CDC42BPG: variants seen among roughly 807,000 people sequenced by gnomAD.
The protein encoded by CDC42BPG is serine/threonine-protein kinase MRCK gamma.
A neutral mutation model predicts 192.2 loss-of-function variants in CDC42BPG; 157 were observed. The observed-to-expected ratio is 0.82, with a 90% CI of 0.72 to 0.93. CDC42BPG has a LOEUF of 0.93. CDC42BPG is among the 40% of genes least tolerant of loss of function. The pLI is 0.00. For synonymous variants in CDC42BPG, 981 were observed against 918.5 expected, an observed-to-expected ratio of 1.07 and a Z score of -1.23; for missense variants, 1,992 against 2,122.1, an observed-to-expected ratio of 0.94 and a Z score of 1.20.
At position 64,835,893 on chromosome 11, in the gene CDC42BPG, C is replaced by A. The variant is rs370512863; in HGVS notation, c.1669-42G>T. The A allele has an allele frequency of 1.4e-5, 21 of 1,550,062 alleles. No homozygotes were observed. The African/African-American group carries it at 2.3e-4, about 17-fold the overall frequency. On this transcript the variant is annotated intron_variant, in intron 13 of 36. Coordinates refer to ENST00000342711, the MANE Select transcript of CDC42BPG (RefSeq NM_017525.3). ...GGCAGGCCACTGCCAACTCTGCCCT[C>A]GGCAGCCCCTCTGCCCACCTTACCA... is the stretch of plus-strand genomic sequence containing the variant.
chr11:64,830,265 G>A lies in CDC42BPG; in HGVS notation c.3305-9C>T, dbSNP rs1299848235. Reference sequence around the variant, plus strand: ...CGCAAGTCGATCCTGGTCTGGTAGAGGGAGGCAGAGGGTCAGAGGTCAGCA... The same window carrying A: ...CGCAAGTCGATCCTGGTCTGGTAGAAGGAGGCAGAGGGTCAGAGGTCAGCA... On this transcript the variant is annotated splice_polypyrimidine_tract_variant and intron_variant, in intron 28 of 36. Transcript: ENST00000342711. 1.9e-6 allele frequency: 3 copies of A among 1,599,510 alleles called. No individual in the cohort carries two copies. The highest frequency in any genetic ancestry group is 1.1e-5 in the South Asian group (1 of 88,794).
intron 11 of CDC42BPG, 32 bp downstream of exon 11, chr11:64,836,707 G>GGGGGT: frequency 6.6e-6 from 4 of 603,804 alleles, no homozygotes; most frequent in Non-Finnish European, 9.7e-6. Context: ...ACTCAGCCCT[G>GGGGGT]GGGGGGGGGG....
intron 9 of CDC42BPG, 59 bp downstream of exon 9, chr11:64,838,024 G>A (rs2136358946): frequency 2.1e-6 from 3 of 1,439,044 alleles, no homozygotes; most frequent in East Asian, 2.5e-5. Context: ...TACGCGCCCA[G>A]TGTCCTCCAG....
chr11:64,827,820 CT>C (rs1255424879), intron 30 of CDC42BPG, 37 bp from the exon 31 acceptor site: 1 of 1,543,012 alleles, frequency 6.5e-7, no homozygotes, highest in East Asian at 2.3e-5. Context: ...CTGTTTCCCC[CT>C]CTGTTCCACA....
chr11:64,831,693 G>A lies in CDC42BPG; in HGVS notation c.3116C>T (p.Pro1039Leu), dbSNP rs1942700583. 1.9e-6 allele frequency: 3 copies of A among 1,604,492 alleles called. No homozygotes were observed. Among genetic ancestry groups the A allele is most frequent in the South Asian group, 1.1e-5 (1 of 90,318 alleles). Reference sequence around the variant, plus strand: ...CAGCAGCAGCACAGTGCACGTGGTGGGCGGCACTGCCAGCTGGGAGGTTGT... The same window carrying A: ...CAGCAGCAGCACAGTGCACGTGGTGAGCGGCACTGCCAGCTGGGAGGTTGT... ...RVTTSQLAVPPTTCTVLLLAE... is the reference protein window; with the variant it reads ...RVTTSQLAVPLTTCTVLLLAE... The change falls in exon 28 of 37, where the codon CCC becomes CTC. Residue 1039 changes from proline to leucine, a missense_variant. Physicochemically the swap from Pro to Leu is moderately conservative, Grantham distance 98. Coordinates refer to ENST00000342711, the MANE Select transcript of CDC42BPG (RefSeq NM_017525.3).
Position 64,836,110 on chromosome 11 carries a change from C to A in CDC42BPG, c.1668+7G>T. The A allele has an allele frequency of 6.3e-7, 1 of 1,594,840 alleles. No homozygotes were observed. Among genetic ancestry groups the A allele is most frequent in the South Asian group, 1.1e-5 (1 of 88,094 alleles). On this transcript the variant is annotated splice_region_variant and intron_variant, in intron 13 of 36. Coordinates refer to ENST00000342711, the MANE Select transcript of CDC42BPG (RefSeq NM_017525.3). ...AGGTGCTGTCCCTACCCACCCTGGT[C>A]ACTCACCTCCCTCTGGGCAGCCCGG... is the stretch of plus-strand genomic sequence containing the variant.
At chr11:64,825,250 C>T (rs1285387711) in intron 36 of CDC42BPG, among the ~76,000 whole-genome samples, 2 of 152,142 alleles carry the variant, frequency 1.3e-5, no homozygotes, top group African/African-American at 2.4e-5. Flanking sequence ...TCCATTCTTC[C>T]TTCAGTCGAC....
chr11:64,832,420 G>A lies in CDC42BPG; in HGVS notation c.3087+8C>T, dbSNP rs1396354356. ...TGGTGGCTGCTCCATCTCATCCCAG[G>A]CACTCACCCTAAAGATGCGTGGCAG... On this transcript the variant is annotated splice_region_variant and intron_variant, in intron 27 of 36. Coordinates refer to ENST00000342711, the MANE Select transcript of CDC42BPG (RefSeq NM_017525.3). The A allele has an allele frequency of 1.2e-6, 2 of 1,612,802 alleles. No homozygotes were observed. The highest frequency in any genetic ancestry group is 2.2e-5 in the East Asian group (1 of 44,856).
intron 1 of CDC42BPG, among the ~76,000 whole-genome samples, chr11:64,843,727 C>CAGACCCATCTCCAGCT (rs1943381449): frequency 6.6e-6 from 1 of 152,224 alleles, no homozygotes; most frequent in African/African-American, 2.4e-5. Flanking sequence ...AGGAAAGGTA[C>CAGACCCATCTCCAGCT]AGACCCATCT....
intron 9 of CDC42BPG, 145 bp downstream of exon 9, chr11:64,837,938 G>A: frequency 1.4e-6 from 1 of 709,856 alleles, no homozygotes; most frequent in Non-Finnish European, 2.5e-6. Context: ...AGGACCCCGA[G>A]GATGAGGGCT....
chr11:64,835,214 C>T (rs1053418432), intron 16 of CDC42BPG, 61 bp from the exon 17 acceptor site: 2 of 1,601,866 alleles, frequency 1.2e-6, no homozygotes, highest in Admixed American at 3.3e-5. Context: ...CTGCCGTCTC[C>T]CTGTAGGTAC....
Position 64,833,243 on chromosome 11 carries a change from G to C in CDC42BPG, c.2719C>G (p.Leu907Val). The C allele has an allele frequency of 6.5e-7, 1 of 1,549,132 alleles. No individual in the cohort carries two copies. Among genetic ancestry groups the C allele is most frequent in the South Asian group, 1.2e-5 (1 of 84,040 alleles). The change falls in exon 24 of 37, where the codon CTG becomes GTG. Residue 907 changes from leucine (L) to valine (V), a missense_variant. This residue lies in a region of CDC42BPG where 1,656 missense variants were observed against 1,844.3 expected (regional missense o/e 0.90). Coordinates refer to ENST00000342711, the MANE Select transcript of CDC42BPG (RefSeq NM_017525.3). ...TGGGGACTCTCACCATCACAACCCA[G>C]GCCCTGGCGGCCCAGGCCCAGCATC... is the stretch of plus-strand genomic sequence containing the variant. ...SLMLGLGRQG[L>V]GCDACGYFCH...
At chr11:64,830,549 A>G (rs1942637367) in intron 28 of CDC42BPG, 2 of 505,400 alleles carry the variant, frequency 4.0e-6, no homozygotes, top group Admixed American at 3.3e-5. Context: ...TCACAGAGCA[A>G]CTCTGAGGAA....
chr11:64,832,722 G>A lies in CDC42BPG; in HGVS notation c.2887C>T (p.Arg963Trp), dbSNP rs777911356. The A allele has an allele frequency of 1.1e-5, 17 of 1,609,418 alleles. No homozygotes were observed. Among genetic ancestry groups the A allele is most frequent in the South Asian group, 3.3e-5 (3 of 90,500 alleles). ...FLSVPRPSGV[R>W]RGWQRVFAAL... ...GCAAACACGCGCTGCCAGCCCCGCC[G>A]GACACCTGAGGGCCGCGGCACCTGG... The change falls in exon 26 of 37, where the codon CGG becomes TGG. Residue 963 changes from arginine to tryptophan, a missense_variant. Physicochemically the swap from Arg to Trp is moderately radical, Grantham distance 101. Coordinates refer to ENST00000342711, the MANE Select transcript of CDC42BPG (RefSeq NM_017525.3).
chr11:64,827,088 G>A lies in CDC42BPG; in HGVS notation c.4351C>T (p.Pro1451Ser). 1 of 1,613,726 alleles carries A rather than the reference G, an allele frequency of 6.2e-7. No homozygotes were observed. Among genetic ancestry groups the A allele is most frequent in the Non-Finnish European group, 8.5e-7 (1 of 1,179,632 alleles). ...CTGGCGCCGGGCCGCCCGTTGGCAG[G>A]GCCCACGTGTACTAGGTGGTTGAAG... The part of the protein sequence containing the change: ...TNFNHLVHVG[P>S]ANGRPGARDK... The change falls in exon 34 of 37, where the codon CCT (proline) becomes TCT (serine). Residue 1451 changes from proline (P) to serine (S), a missense_variant. Coordinates refer to ENST00000342711, the MANE Select transcript of CDC42BPG (RefSeq NM_017525.3).
chr11:64,827,917 C>T (rs1364171828), intron 30 of CDC42BPG, 134 bp from the exon 31 acceptor site: 9 of 673,060 alleles, frequency 1.3e-5, no homozygotes, highest in Non-Finnish European at 2.5e-6. Context: ...GTCGCCCGGC[C>T]CAGCCTCCAC....
Position 64,833,293 on chromosome 11 carries a change from G to C in CDC42BPG, c.2669C>G (p.Thr890Ser), listed in dbSNP as rs1942791913. The change falls in exon 24 of 37, where the codon ACC becomes AGC. Residue 890 changes from threonine (T) to serine (S), a missense_variant. Around this residue, in one of 2 missense-constraint regions of CDC42BPG, gnomAD observed 1,656 missense variants for 1,844.3 expected, o/e 0.90. Coordinates refer to ENST00000342711, the MANE Select transcript of CDC42BPG (RefSeq NM_017525.3). ...CAGCGAGGTGCAGCGGAGACACTTGGTCGGGGATGGGAAGCTCCGGGGGCG... is the reference window on the plus strand; with the variant it reads ...CAGCGAGGTGCAGCGGAGACACTTGCTCGGGGATGGGAAGCTCCGGGGGCG... Reference protein sequence around the residue: ...TLRPRSFPSPTKCLRCTSLML... With the variant: ...TLRPRSFPSPSKCLRCTSLML... 1.3e-6 allele frequency: 2 copies of C among 1,545,312 alleles called. No homozygotes were observed. The highest frequency in any genetic ancestry group is 4.0e-5 in the Admixed American group (2 of 50,630).
intron 24 of CDC42BPG, 70 bp from the exon 25 acceptor site, chr11:64,833,029 A>C (rs1393040702): frequency 1.4e-6 from 2 of 1,472,258 alleles, no homozygotes; most frequent in African/African-American, 2.8e-5. Context: ...GGACGGGGGC[A>C]TGTCCAGAGC....
Position 64,827,588 on chromosome 11 carries a change from G to A in CDC42BPG, c.4089C>T (p.Gly1363=), listed in dbSNP as rs1225581912. The change falls in exon 32 of 37, where the codon GGC becomes GGT. Residue 1363 remains glycine, a synonymous_variant. Coordinates refer to ENST00000342711, the MANE Select transcript of CDC42BPG (RefSeq NM_017525.3). ...TCTCGGTGCCGTAGAGGAACAGGGAGCCCTCTGGATTGAGGGGCCGCACCT... is the reference window on the plus strand; with the variant it reads ...TCTCGGTGCCGTAGAGGAACAGGGAACCCTCTGGATTGAGGGGCCGCACCT... ...LKKVRPLNPE[G]SLFLYGTEKV... is the part of the protein sequence containing the mutation. 6.2e-7 allele frequency: 1 copy of A among 1,612,022 alleles called. No individual in the cohort carries two copies. The highest frequency in any genetic ancestry group is 1.1e-5 in the South Asian group (1 of 90,904).
Sources: allele counts gnomAD v4.1 joint callset (sites outside exome capture counted in the v4.1 genomes callset), GRCh38; gene constraint gnomAD v4.1.1; regional missense constraint gnomAD v4.1.1; transcripts MANE v1.5; gene names NCBI Gene and HGNC (gene_info 2026-07-23, HGNC 2026-07-21).